ADK: variants seen among roughly 807,000 people sequenced by gnomAD.
ADK encodes adenosine kinase.
ADK carries 24 observed loss-of-function variants against 44.7 expected under a neutral mutation model. The observed-to-expected ratio is 0.54, with a 90% confidence interval of 0.39 to 0.76. ADK has a LOEUF of 0.76. Ranked by LOEUF, ADK falls within the 30% of genes least tolerant of loss-of-function variation. The pLI is 0.00. For synonymous variants in ADK, 128 were observed against 142.6 expected (o/e 0.90, Z 0.73); for missense variants, 321 against 425.1 (o/e 0.76, Z 2.15).
At chr10:74,462,645 C>G (rs998758370) in intron 6 of ADK, among the ~76,000 whole-genome samples, 1 of 152,136 alleles carries the variant, frequency 6.6e-6, no homozygotes, top group Non-Finnish European at 1.5e-5. Context: ...AAGATAGTCT[C>G]TTGGCATTCA....
chr10:74,682,113 T>A (rs1414546252), intron 10 of ADK, among the ~76,000 whole-genome samples: 1 of 152,178 alleles, frequency 6.6e-6, no homozygotes, highest in Non-Finnish European at 1.5e-5. Context: ...TGAAGAAGAA[T>A]GACTTTTAAA....
intron 6 of ADK, among the ~76,000 whole-genome samples, chr10:74,518,891 A>G (rs375099455): frequency 1.3e-5 from 2 of 152,010 alleles, no homozygotes; most frequent in African/African-American, 4.8e-5. Context: ...TATGTCTTCT[A>G]TTTAATTGAA....
At chr10:74,165,811 G>T (rs1564568539) in intron 1 of ADK, among the ~76,000 whole-genome samples, 2 of 152,178 alleles carry the variant, frequency 1.3e-5, no homozygotes, top group Non-Finnish European at 2.9e-5. Context: ...CTAGACTTGT[G>T]TCTCTCAAGT....
intron 6 of ADK, among the ~76,000 whole-genome samples, chr10:74,449,306 C>T (rs10762619): frequency 0.6 from 90,505 of 152,050 alleles, 29,749 homozygotes; most frequent in Middle Eastern, 0.77. Context: ...TTGAATCAGG[C>T]CCCTCCAGAT....
chr10:74,573,891 C>T (rs1352786349), intron 7 of ADK, among the ~76,000 whole-genome samples: 1 of 152,200 alleles, frequency 6.6e-6, no homozygotes, highest in African/African-American at 2.4e-5. Flanking sequence ...ATGACCCGAT[C>T]TTCCAGGTGC....
At chr10:74,282,350 G>A (rs916753828) in intron 3 of ADK, among the ~76,000 whole-genome samples, 4 of 152,164 alleles carry the variant, frequency 2.6e-5, no homozygotes, top group African/African-American at 9.7e-5. Flanking sequence ...TGACTGCAGG[G>A]CATTGTTGTG....
chr10:74,547,948 G>A (rs571098467), intron 7 of ADK, among the ~76,000 whole-genome samples: 103 of 149,842 alleles, frequency 6.9e-4, no homozygotes, highest in Non-Finnish European at 2.2e-4. Context: ...GTGAGCCACC[G>A]CGCCCGGCCT....
At chr10:74,618,948 C>T (rs1478686393) in intron 9 of ADK, among the ~76,000 whole-genome samples, 1 of 149,922 alleles carries the variant, frequency 6.7e-6, no homozygotes, top group African/African-American at 2.5e-5. Flanking sequence ...ACTGTTTATA[C>T]TTGGGAATCT....
chr10:74,230,046 C>CT lies in ADK; in HGVS notation c.194+5473dup, dbSNP rs5786138. ...CAGAATGAGACCCTGTTAAAAGAATCTTTTTTTTTTTTTTTTTTGGTAAGA... is the reference window on the plus strand; with the variant it reads ...CAGAATGAGACCCTGTTAAAAGAATCTTTTTTTTTTTTTTTTTTTGGTAAGA... On this transcript the variant is annotated intron_variant, in intron 3 of 10. Coordinates refer to ENST00000539909, the MANE Select transcript of ADK (RefSeq NM_006721.4). Among the ~76,000 whole-genome samples the CT allele has an allele frequency of 8.7e-3, 1,010 of 116,180 alleles. 5 individuals are homozygous for CT. The highest frequency in any genetic ancestry group is 0.021 in the South Asian group (77 of 3,594). The allele number at this position is 116,180 out of a possible 152,430, so 76.2% of individuals were successfully genotyped here.
chr10:74,164,333 C>T (rs369105427), intron 1 of ADK, among the ~76,000 whole-genome samples: 6 of 151,970 alleles, frequency 3.9e-5, no homozygotes, highest in Non-Finnish European at 7.4e-5. Context: ...GTCAGGAGTT[C>T]GAGACCAGCC....
intron 6 of ADK, among the ~76,000 whole-genome samples, chr10:74,511,384 C>T (rs890966355): frequency 1.3e-5 from 2 of 152,050 alleles, no homozygotes; most frequent in African/African-American, 2.4e-5. Context: ...AATTTTTTTC[C>T]ATTTCTGTGA....
At chr10:74,636,321 G>T (rs1430415368) in intron 9 of ADK, among the ~76,000 whole-genome samples, 2 of 152,142 alleles carry the variant, frequency 1.3e-5, no homozygotes, top group Admixed American at 1.3e-4. Context: ...CTACAGAGCT[G>T]GGTCTTATTT....
At chr10:74,272,414 T>C (rs927301075) in intron 3 of ADK, among the ~76,000 whole-genome samples, 2 of 152,094 alleles carry the variant, frequency 1.3e-5, no homozygotes, top group Admixed American at 6.6e-5. Flanking sequence ...TGTTTGGGAC[T>C]ACAGGCGCGC....
chr10:74,246,255 G>A (rs1845411723), intron 3 of ADK, among the ~76,000 whole-genome samples: 1 of 152,170 alleles, frequency 6.6e-6, no homozygotes, highest in Admixed American at 6.5e-5. Flanking sequence ...TCTAGAGGTT[G>A]CATACCATGC....
At chr10:74,240,267 A>G (rs1056022493) in intron 3 of ADK, among the ~76,000 whole-genome samples, 2 of 152,124 alleles carry the variant, frequency 1.3e-5, no homozygotes, top group African/African-American at 4.8e-5. Context: ...GAGACTTGTA[A>G]TATAACAGTA....
intron 1 of ADK, among the ~76,000 whole-genome samples, chr10:74,158,615 T>C (rs1257112473): frequency 6.6e-6 from 1 of 152,234 alleles, no homozygotes; most frequent in East Asian, 1.9e-4. Context: ...AGTGCAGTGT[T>C]ACCTTCCTAA....
intron 3 of ADK, among the ~76,000 whole-genome samples, chr10:74,312,393 C>T (rs13376894): frequency 4.8e-5 from 7 of 146,466 alleles, no homozygotes; most frequent in African/African-American, 1.8e-4. Context: ...TGTGTTTTTT[C>T]TTAACCTGGG....
intron 2 of ADK, among the ~76,000 whole-genome samples, chr10:74,208,767 T>C (rs998751496): frequency 6.6e-6 from 1 of 152,096 alleles, no homozygotes; most frequent in African/African-American, 2.4e-5. Context: ...GTTGGAGTCT[T>C]GCTCTGTCAC....
intron 2 of ADK, among the ~76,000 whole-genome samples, chr10:74,220,004 A>G (rs1160423023): frequency 6.7e-6 from 1 of 149,740 alleles, no homozygotes; most frequent in Non-Finnish European, 1.5e-5. Context: ...GCAGAAGGCA[A>G]GAAATAACTA....
Sources: gnomAD v4.1 joint callset for allele counts (sites outside exome capture counted in the v4.1 genomes callset) on GRCh38, gnomAD v4.1.1 for gene constraint, MANE v1.5 for transcripts, NCBI Gene and HGNC (gene_info 2026-07-23, HGNC 2026-07-21) for gene names.